Variants in HIBADH observed in about 807,000 individuals in gnomAD.
HIBADH encodes 3-hydroxyisobutyrate dehydrogenase.
HIBADH carries 25 observed loss-of-function variants against 36.1 expected under a neutral mutation model. The ratio of observed to expected loss-of-function variants is 0.69; its 90% CI spans 0.50 to 0.97. The LOEUF (loss-of-function observed/expected upper bound fraction) is 0.97. HIBADH is among the 50% of genes least tolerant of loss of function. HIBADH has a pLI of 0.00. For synonymous variants in HIBADH, 160 were observed against 149.5 expected (o/e 1.07, Z -0.51); for missense variants, 421 against 418.0 (o/e 1.01, Z -0.06).
chr7:27,662,803 T>C lies in HIBADH; in HGVS notation c.-15A>G, dbSNP rs559044309. 8.9e-6 allele frequency: 13 copies of C among 1,468,200 alleles called. No individual in the cohort carries two copies. The East Asian group carries it at 3.9e-4, about 44-fold the overall frequency. 90.9% of individuals were successfully genotyped at this position (1,468,200 alleles called of 1,614,324 possible). ...GAGGCTGCCATGCTGCGCCCGCCCC[T>C]CTCCCCGCGGTGACCTCCGCCGCCT... On this transcript the variant is annotated 5_prime_UTR_variant, in exon 1 of 8. Coordinates refer to ENST00000265395, the MANE Select transcript of HIBADH (RefSeq NM_152740.4).
At chr7:27,627,543 C>T (rs1469996683) in intron 4 of HIBADH, among the ~76,000 whole-genome samples, 1 of 152,170 alleles carries the variant, frequency 6.6e-6, no homozygotes, top group Non-Finnish European at 1.5e-5. Flanking sequence ...AGCAATCAAA[C>T]CTAGTGGTCC....
At position 27,540,807 on chromosome 7, in the gene HIBADH, G is replaced by C. The variant is rs539769871; in HGVS notation, c.618+2160C>G. Among the ~76,000 whole-genome samples, 4 of 152,220 alleles carry C rather than the reference G, an allele frequency of 2.6e-5. No individual in the cohort carries two copies. The South Asian group carries it at 8.3e-4, about 32-fold the overall frequency. On this transcript the variant is annotated intron_variant, in intron 5 of 7. Transcript: ENST00000265395. ...AACTCATGTTATTCTGGGTGGCCAG[G>C]GGTACTGTCCAATATCAAAATAACT...
chr7:27,591,511 A>G (rs957684734), intron 4 of HIBADH, among the ~76,000 whole-genome samples: 23 of 151,420 alleles, frequency 1.5e-4, no homozygotes, highest in Non-Finnish European at 2.5e-4. Flanking sequence ...AAATCACACC[A>G]CTGCACTCCA....
At chr7:27,617,630 C>T (rs570043906) in intron 4 of HIBADH, among the ~76,000 whole-genome samples, 2 of 152,166 alleles carry the variant, frequency 1.3e-5, no homozygotes, top group Admixed American at 6.5e-5. Context: ...AGAAAGGAAG[C>T]AGCCAGCTTA....
intron 2 of HIBADH, among the ~76,000 whole-genome samples, chr7:27,637,808 A>G (rs898807735): frequency 6.6e-6 from 1 of 152,200 alleles, no homozygotes; most frequent in Non-Finnish European, 1.5e-5. Flanking sequence ...TCAAGCCAAG[A>G]GCCCAATCAA....
At chr7:27,580,866 A>G (rs1432102666) in intron 4 of HIBADH, among the ~76,000 whole-genome samples, 1 of 152,170 alleles carries the variant, frequency 6.6e-6, no homozygotes, top group African/African-American at 2.4e-5. Context: ...TCAAAGCAGA[A>G]GTAGAAAGGC....
intron 1 of HIBADH, among the ~76,000 whole-genome samples, chr7:27,657,476 G>A (rs1786327608): frequency 6.6e-6 from 1 of 152,106 alleles, no homozygotes; most frequent in Non-Finnish European, 1.5e-5. Context: ...TAGTTCTGCT[G>A]GTGAAATCTC....
intron 4 of HIBADH, among the ~76,000 whole-genome samples, chr7:27,620,188 C>T (rs981248981): frequency 4.6e-5 from 7 of 151,994 alleles, no homozygotes; most frequent in East Asian, 3.9e-4. Context: ...CATTGTGATG[C>T]GTACCTGTGG....
intron 4 of HIBADH, among the ~76,000 whole-genome samples, chr7:27,587,310 C>T (rs1784880098): frequency 6.6e-6 from 1 of 152,120 alleles, no homozygotes; most frequent in African/African-American, 2.4e-5. Context: ...CAAAAGAAAA[C>T]CTTCTAATCA....
At chr7:27,595,337 C>CA in intron 4 of HIBADH, among the ~76,000 whole-genome samples, 1 of 152,008 alleles carries the variant, frequency 6.6e-6, no homozygotes, top group South Asian at 2.1e-4. Context: ...GCCAACATGA[C>CA]AAAACCCCCG....
intron 4 of HIBADH, among the ~76,000 whole-genome samples, chr7:27,625,521 G>C (rs146121524): frequency 1.3e-5 from 2 of 151,984 alleles, no homozygotes; most frequent in African/African-American, 4.8e-5. Flanking sequence ...CAGGATGCTG[G>C]TTACCTCTCA....
chr7:27,636,110 G>C (rs191723485), intron 2 of HIBADH, among the ~76,000 whole-genome samples: 57 of 152,298 alleles, frequency 3.7e-4, no homozygotes, highest in African/African-American at 1.2e-3. Flanking sequence ...GAAGAGCCAA[G>C]AGTAATCTGA....
At chr7:27,601,508 T>A (rs764889177) in intron 4 of HIBADH, among the ~76,000 whole-genome samples, 3 of 152,108 alleles carry the variant, frequency 2.0e-5, no homozygotes, top group Non-Finnish European at 4.4e-5. Flanking sequence ...CAGTGATTAA[T>A]GTTGAATACT....
intron 2 of HIBADH, among the ~76,000 whole-genome samples, chr7:27,640,170 T>C (rs909539496): frequency 6.6e-6 from 1 of 152,194 alleles, no homozygotes; most frequent in African/African-American, 2.4e-5. Flanking sequence ...GTACAGTCAA[T>C]TAATAATTTA....
intron 2 of HIBADH, among the ~76,000 whole-genome samples, chr7:27,639,349 A>G (rs188759408): frequency 1.3e-5 from 2 of 152,298 alleles, no homozygotes; most frequent in East Asian, 1.9e-4. Context: ...AAGAAACCAA[A>G]TACCACACAT....
chr7:27,599,411 G>A (rs932099882), intron 4 of HIBADH, among the ~76,000 whole-genome samples: 3 of 151,978 alleles, frequency 2.0e-5, no homozygotes, highest in Admixed American at 6.6e-5. Context: ...GGCCGGGTGC[G>A]GTGGCTCACG....
chr7:27,641,411 C>T (rs1450034826), intron 2 of HIBADH, among the ~76,000 whole-genome samples: 2 of 152,092 alleles, frequency 1.3e-5, no homozygotes, highest in South Asian at 2.1e-4. Context: ...GAAATGGACA[C>T]CCGTCCTTAA....
intron 4 of HIBADH, among the ~76,000 whole-genome samples, chr7:27,545,400 T>A (rs1784223916): frequency 6.6e-6 from 1 of 152,166 alleles, no homozygotes; most frequent in Admixed American, 6.5e-5. Flanking sequence ...ATCGCACCAC[T>A]GCACTCCAGC....
intron 1 of HIBADH, among the ~76,000 whole-genome samples, chr7:27,651,665 A>G (rs965306098): frequency 4.6e-5 from 7 of 152,234 alleles, no homozygotes; most frequent in African/African-American, 1.7e-4. Flanking sequence ...CAAACAATTC[A>G]TAAGTATGGT....
Sources: allele counts gnomAD v4.1 joint callset (sites outside exome capture counted in the v4.1 genomes callset), GRCh38; gene constraint gnomAD v4.1.1; transcripts MANE v1.5; gene names NCBI Gene and HGNC (gene_info 2026-07-23, HGNC 2026-07-21).